CEP63: variants seen among roughly 807,000 people sequenced by gnomAD.
CEP63 encodes the protein centrosomal protein 63, also known as centrosomal protein of 63 kDa.
Under a neutral mutation model 89.1 loss-of-function variants are expected in CEP63, and 84 were observed. The ratio of observed to expected loss-of-function variants is 0.94; its 90% CI spans 0.79 to 1.13. The LOEUF (loss-of-function observed/expected upper bound fraction) is 1.13, where lower values mean the gene tolerates loss of function less well. Ranked by LOEUF, CEP63 falls within the 50% of genes most tolerant of loss-of-function variation. The pLI is 0.00. For missense variants in CEP63, 838 were observed against 813.3 expected (o/e 1.03, Z -0.37); for synonymous variants, 267 against 272.5 (o/e 0.98, Z 0.20).
At chr3:134,592,498 G>C (rs1279121696), downstream of CEP63, among the ~76,000 whole-genome samples, 1 of 151,220 alleles carries the variant, frequency 6.6e-6, no homozygotes, top group Non-Finnish European at 1.5e-5. Context: ...GTGTGTGTGT[G>C]TGTGTGTGTG....
At chr3:134,553,974 C>T (rs1458378603) in intron 12 of CEP63, among the ~76,000 whole-genome samples, 1 of 152,160 alleles carries the variant, frequency 6.6e-6, no homozygotes, top group Non-Finnish European at 1.5e-5. Context: ...GAATATTACA[C>T]TGTCATTGAA....
the CEP63 span, among the ~76,000 whole-genome samples, chr3:134,634,964 A>G: frequency 6.6e-6 from 1 of 152,258 alleles, no homozygotes; most frequent in Non-Finnish European, 1.5e-5. Context: ...GTAAAATAGA[A>G]CAGTCACTCT....
At chr3:134,627,302 TACTGAGGGGGAA>T in the CEP63 span, among the ~76,000 whole-genome samples, 1 of 152,172 alleles carries the variant, frequency 6.6e-6, no homozygotes, top group Non-Finnish European at 1.5e-5. Flanking sequence ...ACATCTGGTC[TACTGAGGGGGAA>T]ACTGAGGCAC....
the CEP63 span, among the ~76,000 whole-genome samples, chr3:134,602,212 T>C: frequency 6.6e-6 from 1 of 152,054 alleles, no homozygotes; most frequent in Non-Finnish European, 1.5e-5. Context: ...TGTGCCAGGA[T>C]GGTTCTGCAG....
chr3:134,575,206 CCT>C (rs1958173254), downstream of CEP63, among the ~76,000 whole-genome samples: 1 of 42,992 alleles, frequency 2.3e-5, no homozygotes, highest in African/African-American at 1.3e-4. Flanking sequence ...TCTTTCCCTC[CCT>C]CCCTCCCTCC....
At chr3:134,764,418 A>T in the CEP63 span, among the ~76,000 whole-genome samples, 4 of 152,052 alleles carry the variant, frequency 2.6e-5, no homozygotes, top group African/African-American at 9.7e-5. Context: ...AATTTTTTTA[A>T]AAATAATTCT....
At chr3:134,617,519 GT>G in the CEP63 span, among the ~76,000 whole-genome samples, 2 of 152,170 alleles carry the variant, frequency 1.3e-5, no homozygotes, top group Non-Finnish European at 2.9e-5. Flanking sequence ...GGTAATTCCT[GT>G]ATGCACAGAA....
the CEP63 span, among the ~76,000 whole-genome samples, chr3:134,676,397 A>C: frequency 6.6e-6 from 1 of 152,190 alleles, no homozygotes; most frequent in Non-Finnish European, 1.5e-5. Flanking sequence ...AAGAGATAAA[A>C]AGTAGATTCT....
chr3:134,709,575 C>T, the CEP63 span, among the ~76,000 whole-genome samples: 1 of 152,062 alleles, frequency 6.6e-6, no homozygotes, highest in South Asian at 2.1e-4. Flanking sequence ...CTGGACTTGC[C>T]CTCTTTGAGG....
At chr3:134,582,313 A>G (rs1958378133) in intron 10 of CEP63, among the ~76,000 whole-genome samples, 1 of 152,112 alleles carries the variant, frequency 6.6e-6, no homozygotes, top group South Asian at 2.1e-4. Flanking sequence ...ATTTCTCCTA[A>G]TGCTATCCCT....
intron 12 of CEP63, among the ~76,000 whole-genome samples, chr3:134,555,956 C>T (rs1437083307): frequency 1.3e-5 from 2 of 151,210 alleles, no homozygotes; most frequent in East Asian, 3.9e-4. Context: ...ACAGAGCCCT[C>T]AGAAATAATG....
chr3:134,573,740 T>C (rs1958113379), intron 11 of CEP63, among the ~76,000 whole-genome samples: 1 of 152,218 alleles, frequency 6.6e-6, no homozygotes, highest in Non-Finnish European at 1.5e-5. Flanking sequence ...TCTGGCTAAG[T>C]AAGAGCTTAG....
chr3:134,592,973 C>A, the CEP63 span, among the ~76,000 whole-genome samples: 1 of 152,072 alleles, frequency 6.6e-6, no homozygotes, highest in African/African-American at 2.4e-5. Flanking sequence ...ACATGGTTGT[C>A]CCATCATATA....
the CEP63 span, among the ~76,000 whole-genome samples, chr3:134,744,155 T>C: frequency 6.6e-6 from 1 of 152,148 alleles, no homozygotes; most frequent in South Asian, 2.1e-4. Context: ...TGTAGCCTGG[T>C]TGTAGATAGC....
chr3:134,491,718 A>G (rs1414931575), intron 1 of CEP63, among the ~76,000 whole-genome samples: 1 of 152,248 alleles, frequency 6.6e-6, no homozygotes, highest in Non-Finnish European at 1.5e-5. Context: ...TCATCGGAAC[A>G]GCCATAGTTT....
At chr3:134,643,925 C>T in the CEP63 span, among the ~76,000 whole-genome samples, 3 of 151,264 alleles carry the variant, frequency 2.0e-5, no homozygotes, top group East Asian at 3.9e-4. Flanking sequence ...CTCCTGGGTT[C>T]GTGCCATTCT....
chr3:134,740,896 T>C, the CEP63 span, among the ~76,000 whole-genome samples: 1 of 152,162 alleles, frequency 6.6e-6, no homozygotes, highest in Non-Finnish European at 1.5e-5. Flanking sequence ...AATTTAATAT[T>C]TGACAACATC....
downstream of CEP63, among the ~76,000 whole-genome samples, chr3:134,567,615 T>G (rs1957835833): frequency 6.6e-6 from 1 of 152,200 alleles, no homozygotes; most frequent in African/African-American, 2.4e-5. Flanking sequence ...GTACCTTTCT[T>G]GGAGAGAGTG....
At chr3:134,739,364 A>T in the CEP63 span, among the ~76,000 whole-genome samples, 1 of 152,210 alleles carries the variant, frequency 6.6e-6, no homozygotes, top group African/African-American at 2.4e-5. Flanking sequence ...AGTCACTTTG[A>T]CAAGTTATTT....
Sources: allele counts gnomAD v4.1 joint callset (sites outside exome capture counted in the v4.1 genomes callset), GRCh38; gene constraint gnomAD v4.1.1; transcripts MANE v1.5; gene names NCBI Gene and HGNC (gene_info 2026-07-23, HGNC 2026-07-21).